DPP10: variants seen among roughly 807,000 people sequenced by gnomAD.
DPP10 encodes inactive dipeptidyl peptidase 10.
A neutral mutation model predicts 120.9 loss-of-function variants in DPP10; 33 were observed. That is an observed-to-expected ratio of 0.27 (90% CI 0.21 to 0.37). The LOEUF is 0.37. Among genes scored for constraint, DPP10 ranks in the 10% least tolerant of loss-of-function variants. The probability of loss-of-function intolerance (pLI) is 1.00; values close to 1 mark genes in which losing one functional copy is unlikely to be tolerated. For synonymous variants in DPP10, 337 were observed against 326.1 expected, an observed-to-expected ratio of 1.03 and a Z score of -0.36; for missense variants, 816 against 942.8, an observed-to-expected ratio of 0.87 and a Z score of 1.76.
intron 4 of DPP10, among the ~76,000 whole-genome samples, chr2:115,519,787 TCTC>T (rs2077696768): frequency 6.6e-6 from 1 of 152,128 alleles, no homozygotes; most frequent in Admixed American, 6.6e-5. Flanking sequence ...TTTTCCCTCT[TCTC>T]CTCCACTTAT....
Position 115,536,229 on chromosome 2 carries a change from T to A in DPP10, c.441+10257T>A, listed in dbSNP as rs182108036. On this transcript the variant is annotated intron_variant, in intron 5 of 25. Transcript: ENST00000410059. ...ATTCTTATTTATTGTTATTAGTATG[T>A]AATATTTTTTCCACTTATAGACAAA... Among the ~76,000 whole-genome samples, 193 of 152,146 alleles carry A rather than the reference T, an allele frequency of 1.3e-3. 2 individuals are homozygous for A. The highest frequency in any genetic ancestry group is 4.6e-3 in the African/African-American group (190 of 41,556).
At chr2:114,984,240 T>C (rs886403691) in intron 1 of DPP10, among the ~76,000 whole-genome samples, 7 of 152,162 alleles carry the variant, frequency 4.6e-5, no homozygotes, top group Admixed American at 6.5e-5. Context: ...AGATAATTAA[T>C]ATAGAAAATG....
At chr2:115,494,969 C>T (rs2076315976) in intron 3 of DPP10, among the ~76,000 whole-genome samples, 1 of 151,958 alleles carries the variant, frequency 6.6e-6, no homozygotes, top group Admixed American at 6.6e-5. Flanking sequence ...TTAGCAAGAC[C>T]AACAGAAACC....
chr2:115,209,207 G>A (rs960571669), intron 1 of DPP10, among the ~76,000 whole-genome samples: 15 of 152,114 alleles, frequency 9.9e-5, no homozygotes, highest in African/African-American at 3.6e-4. Context: ...TCAGTTTCAG[G>A]AAGATATTAC....
At chr2:114,797,960 A>G (rs952112644) in intron 1 of DPP10, among the ~76,000 whole-genome samples, 5 of 152,242 alleles carry the variant, frequency 3.3e-5, no homozygotes, top group African/African-American at 1.2e-4. Flanking sequence ...TGTTATGTGG[A>G]TATCATGGGC....
intron 5 of DPP10, among the ~76,000 whole-genome samples, chr2:115,621,344 C>T (rs578169127): frequency 2.0e-5 from 3 of 152,076 alleles, no homozygotes; most frequent in Non-Finnish European, 4.4e-5. Flanking sequence ...GCAATTATTT[C>T]TAGCTACAAA....
At chr2:115,102,745 GA>G (rs142127691) in intron 1 of DPP10, among the ~76,000 whole-genome samples, 7 of 141,468 alleles carry the variant, frequency 4.9e-5, no homozygotes, top group South Asian at 4.5e-4. Context: ...TTCATTGACT[GA>G]AAAAAAAAAG....
At chr2:114,994,144 T>C (rs71418526) in intron 1 of DPP10, among the ~76,000 whole-genome samples, 4 of 152,198 alleles carry the variant, frequency 2.6e-5, no homozygotes, top group Non-Finnish European at 5.9e-5. Context: ...ATTCACCATA[T>C]TAAGTTTTTG....
chr2:115,667,720 C>T (rs1159757058), intron 5 of DPP10, among the ~76,000 whole-genome samples: 1 of 151,998 alleles, frequency 6.6e-6, no homozygotes, highest in Non-Finnish European at 1.5e-5. Context: ...CAGTCCCATG[C>T]CATTTTGGTT....
At chr2:114,972,248 A>G (rs889508435) in intron 1 of DPP10, among the ~76,000 whole-genome samples, 1 of 152,184 alleles carries the variant, frequency 6.6e-6, no homozygotes, top group African/African-American at 2.4e-5. Context: ...ACCAATTTGA[A>G]TTCATTTGAA....
chr2:114,844,546 T>A (rs890066583), intron 1 of DPP10, among the ~76,000 whole-genome samples: 3 of 151,942 alleles, frequency 2.0e-5, no homozygotes, highest in Non-Finnish European at 4.4e-5. Context: ...TGTCCAATAT[T>A]CAAGTACACA....
chr2:115,293,217 A>C (rs534654730), intron 1 of DPP10, among the ~76,000 whole-genome samples: 2 of 152,268 alleles, frequency 1.3e-5, no homozygotes, highest in African/African-American at 4.8e-5. Context: ...CCCTGTTGGC[A>C]GGTATTTCAG....
intron 1 of DPP10, among the ~76,000 whole-genome samples, chr2:115,101,557 C>T (rs922382914): frequency 2.6e-5 from 4 of 152,174 alleles, no homozygotes; most frequent in African/African-American, 2.4e-5. Context: ...ACACCCCCTA[C>T]GAAGCATTTT....
chr2:114,489,720 G>C (rs1189644431), intron 1 of DPP10, among the ~76,000 whole-genome samples: 1 of 152,144 alleles, frequency 6.6e-6, no homozygotes, highest in Non-Finnish European at 1.5e-5. Context: ...CTAGCTCCTG[G>C]AGGTAAAAGT....
In DPP10 at chr2:115,240,721, C is replaced by T. The variant is rs114074055; in HGVS notation, c.61-68518C>T. Among the ~76,000 whole-genome samples the T allele has an allele frequency of 9.7e-3, 1,476 of 152,274 alleles. 17 individuals are homozygous for T. The highest frequency in any genetic ancestry group is 0.016 in the Non-Finnish European group (1,066 of 68,026). ...TTGCTTTATTGGGGTGATATGGAGT[C>T]GAACCCACAATGTCTTCAAAGTATG... On this transcript the variant is annotated intron_variant, in intron 1 of 25. Coordinates refer to ENST00000410059, the MANE Select transcript of DPP10 (RefSeq NM_020868.6).
chr2:115,192,443 T>C (rs1403910430), intron 1 of DPP10, among the ~76,000 whole-genome samples: 1 of 152,240 alleles, frequency 6.6e-6, no homozygotes, highest in Non-Finnish European at 1.5e-5. Context: ...CCATAAACTC[T>C]GAGGACTGCA....
chr2:114,447,287 G>A (rs948756027), intron 1 of DPP10, among the ~76,000 whole-genome samples: 1 of 152,118 alleles, frequency 6.6e-6, no homozygotes, highest in South Asian at 2.1e-4. Context: ...GAGCCACCGC[G>A]CCCGGCCCAC....
intron 4 of DPP10, among the ~76,000 whole-genome samples, chr2:115,517,289 G>A (rs1172107256): frequency 6.6e-6 from 1 of 152,136 alleles, no homozygotes; most frequent in Non-Finnish European, 1.5e-5. Context: ...GAGAATTAAA[G>A]TGCAAGTTTA....
rs144846765 is a variant in DPP10, at chr2:115,565,769, G to GTT, written c.441+39805_441+39806dup. ...ATGGGTTTTTTTTTTTGTTTGTTTT[G>GTT]TTTTTTTTTGTTTTTTTTTGTTTTT... On this transcript the variant is annotated intron_variant, in intron 5 of 25. Coordinates refer to ENST00000410059, the MANE Select transcript of DPP10 (RefSeq NM_020868.6). Among the ~76,000 whole-genome samples the GTT allele has an allele frequency of 2.7e-3, 371 of 136,196 alleles. 4 individuals carry two copies. The highest frequency in any genetic ancestry group is 5.3e-3 in the African/African-American group (192 of 36,274). The allele number at this position is 136,196 out of a possible 152,430, so 89.3% of individuals were successfully genotyped here.
Sources: allele counts gnomAD v4.1 joint callset (sites outside exome capture counted in the v4.1 genomes callset), GRCh38; gene constraint gnomAD v4.1.1; transcripts MANE v1.5; gene names NCBI Gene and HGNC (gene_info 2026-07-23, HGNC 2026-07-21).